FAM83A: variants seen among roughly 807,000 people sequenced by gnomAD.
FAM83A encodes protein FAM83A.
In FAM83A, 21 loss-of-function variants were observed where a neutral mutation model predicts 24.4. The observed-to-expected ratio is 0.86, with a 90% CI of 0.61 to 1.24. The LOEUF is 1.24. Among genes scored for constraint, FAM83A ranks in the 50% most tolerant of loss-of-function variants. The pLI, the probability that FAM83A is intolerant of heterozygous loss-of-function variation, is 0.00. For missense variants in FAM83A, 617 were observed against 579.8 expected (o/e 1.06, Z -0.66); for synonymous variants, 270 against 252.4 (o/e 1.07, Z -0.66).
At chr8:123,185,793 G>A (rs896681) in intron 1 of FAM83A, among the ~76,000 whole-genome samples, 100,076 of 152,060 alleles carry the variant, frequency 0.66, 33,202 homozygotes, top group South Asian at 0.78. Flanking sequence ...ACAATTCACA[G>A]TTTTAATTTC....
At chr8:123,208,787 G>A (rs1824643890) in exon 4 of FAM83A, 1 of 973,018 alleles carries the variant, frequency 1.0e-6, no homozygotes, top group South Asian at 4.8e-5. Flanking sequence ...CCTGAGATCA[G>A]GTGGATTACC....
intron 2 of FAM83A, among the ~76,000 whole-genome samples, chr8:123,193,207 T>C (rs576996896): frequency 6.6e-6 from 1 of 152,324 alleles, no homozygotes; most frequent in East Asian, 1.9e-4. Flanking sequence ...TCACCTTTGC[T>C]TAAGACAATA....
chr8:123,208,462 G>T, exon 4 of FAM83A: 6 of 985,470 alleles, frequency 6.1e-6, no homozygotes, highest in Non-Finnish European at 7.2e-6. Flanking sequence ...GTTGTCAGGG[G>T]CCAGGACTGG....
At chr8:123,183,177 T>C (rs754397021) in exon 1 of FAM83A, 1 of 1,613,658 alleles carries the variant, frequency 6.2e-7, no homozygotes, top group Non-Finnish European at 8.5e-7. Flanking sequence ...CCTACTTCCC[T>C]GTGGCCTCAG....
At chr8:123,182,919 G>C in exon 1 of FAM83A, 1 of 1,546,914 alleles carries the variant, frequency 6.5e-7, no homozygotes, top group Non-Finnish European at 8.7e-7. Flanking sequence ...AGAGCCAGTG[G>C]GTCCGGCCAG....
intron 1 of FAM83A, among the ~76,000 whole-genome samples, chr8:123,188,419 G>A (rs1413605416): frequency 1.3e-5 from 2 of 151,818 alleles, no homozygotes; most frequent in East Asian, 3.8e-4. Context: ...TTTAGGGTTG[G>A]ACGTATCTTT....
upstream of FAM83A, chr8:123,180,036 T>C (rs538960474): frequency 1.1e-4 from 17 of 152,328 alleles, no homozygotes; most frequent in African/African-American, 4.1e-4. Flanking sequence ...GCTCTGCCAT[T>C]TACCAGCTAA....
At chr8:123,194,515 G>A (rs577571160) in intron 3 of FAM83A, among the ~76,000 whole-genome samples, 15 of 140,386 alleles carry the variant, frequency 1.1e-4, no homozygotes, top group African/African-American at 3.9e-4. Context: ...ATGGAGTCTC[G>A]CCCTGTCACC....
chr8:123,184,195 C>G (rs545429873), intron 1 of FAM83A, among the ~76,000 whole-genome samples: 1 of 152,244 alleles, frequency 6.6e-6, no homozygotes, highest in South Asian at 2.1e-4. Context: ...GCCTGCCCTG[C>G]TTTTCATTTG....
intron 3 of FAM83A, among the ~76,000 whole-genome samples, chr8:123,205,030 T>C (rs1824492837): frequency 6.6e-6 from 1 of 151,264 alleles, no homozygotes; most frequent in Non-Finnish European, 1.5e-5. Flanking sequence ...GAGAATTGCT[T>C]TAACCCAGGA....
intron 3 of FAM83A, among the ~76,000 whole-genome samples, chr8:123,204,062 G>C (rs544966505): frequency 1.4e-4 from 22 of 152,058 alleles, no homozygotes; most frequent in Non-Finnish European, 2.5e-4. Context: ...TCTAGTTCAG[G>C]GGTCCTGGGA....
At chr8:123,205,385 C>T (rs1457555050) in intron 3 of FAM83A, among the ~76,000 whole-genome samples, 1 of 152,200 alleles carries the variant, frequency 6.6e-6, no homozygotes, top group Non-Finnish European at 1.5e-5. Context: ...CTGCGCTTGC[C>T]TCCTGTCCCG....
chr8:123,209,494 T>G lies in FAM83A; in HGVS notation c.*1806T>G. Reference sequence around the variant, plus strand: ...AACACTTTGGTTCCTGATGGCTTTCTGAACCCAGCCCTGACCTTGTTGTTT... The same window carrying G: ...AACACTTTGGTTCCTGATGGCTTTCGGAACCCAGCCCTGACCTTGTTGTTT... On this transcript the variant is annotated 3_prime_UTR_variant, in exon 4 of 4. Transcript: ENST00000690554. This position sits in a 1 kb window ranked among gnomAD's most constrained non-coding sequence, Gnocchi z 4.7. 1 of 1,614,254 alleles carries G rather than the reference T, an allele frequency of 6.2e-7. No individual in the cohort carries two copies. The highest frequency in any genetic ancestry group is 8.5e-7 in the Non-Finnish European group (1 of 1,180,040).
intron 1 of FAM83A, among the ~76,000 whole-genome samples, chr8:123,186,366 G>T (rs892355403): frequency 6.6e-6 from 1 of 152,150 alleles, no homozygotes; most frequent in Non-Finnish European, 1.5e-5. Context: ...GTGATGAGAA[G>T]AATAGGAGAG....
chr8:123,194,287 A>C (rs1824073918), intron 3 of FAM83A, 139 bp downstream of exon 3: 2 of 1,229,126 alleles, frequency 1.6e-6, no homozygotes, highest in Admixed American at 4.6e-5. Flanking sequence ...CTGGAGCTGC[A>C]TCACATAGAT....
chr8:123,207,988 G>A (rs1413929015), exon 4 of FAM83A: 2 of 1,187,072 alleles, frequency 1.7e-6, no homozygotes, highest in Non-Finnish European at 2.1e-6. Flanking sequence ...ATCATCCGGG[G>A]CTTTAATATT....
rs1251939727 is a variant in FAM83A, at chr8:123,209,946, A to G, written c.*2258A>G. ...AGCCTGGGTCCAGGTTGCCACATAG[A>G]AGCAGCTCTCCAGTTGAAACCCTCC... On this transcript the variant is annotated 3_prime_UTR_variant, in exon 4 of 4. Transcript: ENST00000690554. This position sits in a 1 kb window ranked among gnomAD's most constrained non-coding sequence, Gnocchi z 4.7. The G allele has an allele frequency of 4.9e-6, 1 of 203,452 alleles. No homozygotes were observed. Among genetic ancestry groups the G allele is most frequent in the African/African-American group, 2.3e-5 (1 of 44,162 alleles). 12.6% of individuals were successfully genotyped at this position (203,452 alleles called of 1,614,324 possible).
chr8:123,191,755 CA>C (rs1360892297), intron 1 of FAM83A, 47 bp from the exon 2 acceptor site: 1 of 1,598,412 alleles, frequency 6.3e-7, no homozygotes, highest in East Asian at 2.2e-5. Context: ...AACCAGTTAG[CA>C]CCTGCCCCTG....
chr8:123,191,250 A>G (rs1221476828), intron 1 of FAM83A, among the ~76,000 whole-genome samples: 4 of 152,138 alleles, frequency 2.6e-5, no homozygotes, highest in Admixed American at 6.5e-5. Flanking sequence ...ACTGTGACAC[A>G]TGATGCAGTA....
Sources: allele counts gnomAD v4.1 joint callset (sites outside exome capture counted in the v4.1 genomes callset), GRCh38; gene constraint gnomAD v4.1.1; non-coding constraint Gnocchi (gnomAD v3.1); transcripts MANE v1.5; gene names NCBI Gene and HGNC (gene_info 2026-07-23, HGNC 2026-07-21).